ZNF536: variants seen among roughly 807,000 people sequenced by gnomAD.
ZNF536 encodes zinc finger protein 536.
A neutral mutation model predicts 84.5 loss-of-function variants in ZNF536; 13 were observed. The observed-to-expected ratio is 0.15, with a 90% CI of 0.10 to 0.24. The LOEUF (loss-of-function observed/expected upper bound fraction) is 0.24, where lower values mean the gene tolerates loss of function less well. Among genes scored for constraint, ZNF536 ranks in the 10% least tolerant of loss-of-function variants. The pLI is 1.00. For missense variants in ZNF536, 1,536 were observed against 1,747.5 expected (o/e 0.88, Z 2.16); for synonymous variants, 811 against 742.5 (o/e 1.09, Z -1.50).
At chr19:30,546,585 C>A (rs535680638) in intron 3 of ZNF536, among the ~76,000 whole-genome samples, 1 of 152,344 alleles carries the variant, frequency 6.6e-6, no homozygotes, top group South Asian at 2.1e-4. Flanking sequence ...GCCTGGAGAA[C>A]TGGGACTCAT....
chr19:30,635,951 G>T (rs980686276), intron 1 of ZNF536, among the ~76,000 whole-genome samples: 1 of 152,244 alleles, frequency 6.6e-6, no homozygotes, highest in African/African-American at 2.4e-5. Context: ...CCAGCTGATG[G>T]GTGCCCCCAG....
At chr19:30,507,776 A>G (rs1380431366) in intron 2 of ZNF536, among the ~76,000 whole-genome samples, 2 of 152,186 alleles carry the variant, frequency 1.3e-5, no homozygotes, top group Non-Finnish European at 2.9e-5. Context: ...TAAAGCCAAA[A>G]TATTATGACT....
In ZNF536 at chr19:30,444,118, G is replaced by A. The variant is rs1292921258; in HGVS notation, c.556G>A (p.Gly186Ser). Residue 186 changes from glycine to serine, a missense_variant, in exon 2 of 5, where the codon GGC becomes AGC. Gly to Ser is a moderately conservative substitution (Grantham distance 56). Transcript: ENST00000355537. ...HLRTHKLGNL[G>S]KGRGRVREEN... ...GCGGACCCACAAGCTGGGCAACCTG[G>A]GCAAGGGGCGTGGGCGTGTGCGCGA... The A allele has an allele frequency of 1.9e-6, 3 of 1,611,238 alleles. No homozygotes were observed. The highest frequency in any genetic ancestry group is 2.5e-6 in the Non-Finnish European group (3 of 1,178,952).
chr19:30,249,241 C>A (rs891563678), intron 1 of ZNF536, among the ~76,000 whole-genome samples: 1 of 151,932 alleles, frequency 6.6e-6, no homozygotes, highest in African/African-American at 2.4e-5. Context: ...CACTGTGTTT[C>A]CAAATGGTTG....
chr19:30,251,781 G>A (rs532924812), intron 1 of ZNF536, among the ~76,000 whole-genome samples: 1 of 152,222 alleles, frequency 6.6e-6, no homozygotes, highest in Non-Finnish European at 1.5e-5. Flanking sequence ...CCATTCTTAT[G>A]CCTTTGCATC....
At chr19:30,358,114 G>T (rs1177075606) in intron 3 of ZNF536, among the ~76,000 whole-genome samples, 1 of 152,162 alleles carries the variant, frequency 6.6e-6, no homozygotes, top group African/African-American at 2.4e-5. Flanking sequence ...GGCAGTGCAG[G>T]TATTATTGCC....
chr19:30,700,229 T>G (rs868155880), intron 1 of ZNF536, among the ~76,000 whole-genome samples: 1 of 126,764 alleles, frequency 7.9e-6, no homozygotes, highest in Admixed American at 7.7e-5. Flanking sequence ...TCTTTCTTTC[T>G]TTCTTTCTTT....
At chr19:30,264,900 T>C (rs1345305192) in intron 1 of ZNF536, among the ~76,000 whole-genome samples, 1 of 150,392 alleles carries the variant, frequency 6.6e-6, no homozygotes, top group Non-Finnish European at 1.5e-5. Flanking sequence ...ACCGGGGGGA[T>C]TAAACAAAAA....
At chr19:30,547,214 ATTTTC>A (rs2146153988) in intron 3 of ZNF536, among the ~76,000 whole-genome samples, 1 of 152,022 alleles carries the variant, frequency 6.6e-6, no homozygotes, top group Non-Finnish European at 1.5e-5. Flanking sequence ...TTTATTACTC[ATTTTC>A]TTTTAAGTTT....
chr19:30,646,909 T>C (rs2049494564), intron 1 of ZNF536, among the ~76,000 whole-genome samples: 1 of 152,102 alleles, frequency 6.6e-6, no homozygotes, highest in African/African-American at 2.4e-5. Flanking sequence ...ATTCCAGCAG[T>C]CAGTCTCCTT....
chr19:30,225,690 G>C (rs934212027), upstream of ZNF536, among the ~76,000 whole-genome samples: 2 of 148,610 alleles, frequency 1.3e-5, no homozygotes, highest in African/African-American at 4.9e-5. Context: ...ACAAAGGTGG[G>C]GGGGGGATCG....
intron 1 of ZNF536, chr19:30,668,641 C>T (rs933479584): frequency 2.6e-5 from 4 of 152,390 alleles, no homozygotes; most frequent in East Asian, 1.9e-4. Flanking sequence ...CGCTGCCTCT[C>T]TCTGCTGATG....
At chr19:30,578,702 G>T (rs2046821486) in intron 1 of ZNF536, among the ~76,000 whole-genome samples, 1 of 152,220 alleles carries the variant, frequency 6.6e-6, no homozygotes, top group South Asian at 2.1e-4. Context: ...CATCTAGGTT[G>T]GAAAGTTGTT....
chr19:30,635,108 CGCGCATGTTTAGGGACAT>C (rs2049021802), intron 1 of ZNF536, among the ~76,000 whole-genome samples: 1 of 152,104 alleles, frequency 6.6e-6, no homozygotes, highest in African/African-American at 2.4e-5. Flanking sequence ...GTGCCCCACA[CGCGCATGTTTAGGGACAT>C]ACCATATCCC....
At chr19:30,687,146 G>A (rs943319480) in intron 1 of ZNF536, among the ~76,000 whole-genome samples, 2 of 152,204 alleles carry the variant, frequency 1.3e-5, no homozygotes, top group African/African-American at 2.4e-5. Context: ...CCGGGCAGAC[G>A]CGGGGCTGCA....
At chr19:30,403,107 C>T (rs768547648) in intron 1 of ZNF536, among the ~76,000 whole-genome samples, 29 of 152,142 alleles carry the variant, frequency 1.9e-4, no homozygotes, top group African/African-American at 3.9e-4. Context: ...CCGCTGCTGA[C>T]GAGCTGCACT....
intron 1 of ZNF536, among the ~76,000 whole-genome samples, chr19:30,231,151 G>T (rs2144643134): frequency 6.6e-6 from 1 of 152,286 alleles, no homozygotes; most frequent in Admixed American, 6.5e-5. Context: ...TTTAAAGTGA[G>T]ACTTGATGCA....
intron 1 of ZNF536, among the ~76,000 whole-genome samples, chr19:30,402,794 AAAATATATATATATATATATATATAT>A (rs1324618187): frequency 9.0e-4 from 69 of 76,742 alleles, no homozygotes; most frequent in African/African-American, 2.7e-3. Context: ...TTAAAATTAA[AAAATATATATATATATATATATATAT>A]ATAATTTTCA....
chr19:30,272,646 C>G (rs983816308), intron 1 of ZNF536, among the ~76,000 whole-genome samples: 2 of 152,166 alleles, frequency 1.3e-5, no homozygotes, highest in African/African-American at 4.8e-5. Flanking sequence ...CCAGAATGTC[C>G]TGTATTTGGA....
Sources: gnomAD v4.1 joint callset for allele counts (sites outside exome capture counted in the v4.1 genomes callset) on GRCh38, gnomAD v4.1.1 for gene constraint, MANE v1.5 for transcripts, NCBI Gene and HGNC (gene_info 2026-07-23, HGNC 2026-07-21) for gene names.